SEC22A: variants seen among roughly 807,000 people sequenced by gnomAD.
SEC22A encodes the protein SEC22 homolog A, vesicle trafficking protein, also known as vesicle-trafficking protein SEC22a.
In SEC22A, 22 loss-of-function variants were observed where a neutral mutation model predicts 35.3. That is an observed-to-expected ratio of 0.62 (90% CI 0.45 to 0.89). The LOEUF is 0.89. Among genes scored for constraint, SEC22A ranks in the 40% least tolerant of loss-of-function variants. The pLI, the probability that SEC22A is intolerant of heterozygous loss-of-function variation, is 0.00. For synonymous variants in SEC22A, 119 were observed against 129.5 expected (o/e 0.92, Z 0.55); for missense variants, 354 against 362.5 (o/e 0.98, Z 0.19).
intron 6 of SEC22A, among the ~76,000 whole-genome samples, chr3:123,265,848 A>C (rs182920314): frequency 1.1e-3 from 168 of 152,244 alleles, no homozygotes; most frequent in Admixed American, 1.7e-3. Flanking sequence ...AATCAGCTGG[A>C]CATACTTGTG....
intron 6 of SEC22A, among the ~76,000 whole-genome samples, chr3:123,262,101 GT>G (rs1191251664): frequency 2.6e-5 from 4 of 152,234 alleles, no homozygotes; most frequent in Admixed American, 2.0e-4. Flanking sequence ...AAGTAATTAT[GT>G]TTTACCATAT....
intron 4 of SEC22A, among the ~76,000 whole-genome samples, chr3:123,241,422 CTG>C (rs1937520782): frequency 6.6e-6 from 1 of 152,152 alleles, no homozygotes; most frequent in South Asian, 2.1e-4. Flanking sequence ...CTTCCACAGT[CTG>C]TTTCCCTAGG....
intron 2 of SEC22A, among the ~76,000 whole-genome samples, chr3:123,221,079 T>C (rs948757776): frequency 4.0e-5 from 6 of 151,758 alleles, no homozygotes; most frequent in African/African-American, 1.5e-4. Flanking sequence ...TTGAATCCTG[T>C]GAACATATTT....
At chr3:123,216,267 A>C (rs1937021191) in intron 2 of SEC22A, among the ~76,000 whole-genome samples, 1 of 152,226 alleles carries the variant, frequency 6.6e-6, no homozygotes, top group East Asian at 1.9e-4. Flanking sequence ...TATCTAAAAA[A>C]GTCAGGATCT....
intron 2 of SEC22A, among the ~76,000 whole-genome samples, chr3:123,210,230 G>A (rs9855287): frequency 0.2 from 29,843 of 152,188 alleles, 3,031 homozygotes; most frequent in Middle Eastern, 0.28. Flanking sequence ...AGAGAGGTCA[G>A]ATGGAAGACT....
rs1937571722 is a variant in SEC22A, at chr3:123,246,885, A to C, written c.657+871A>C. 2.6e-5 allele frequency among the ~76,000 whole-genome samples: 4 copies of C among 152,214 alleles called. No individual in the cohort carries two copies. The South Asian group carries it at 8.3e-4, about 32-fold the overall frequency. ...ATTGCTGTTAGTTTGGGGAACCCTC[A>C]GAGGGTATCTTTCTGCATCTGTTTA... On this transcript the variant is annotated intron_variant, in intron 5 of 6. Transcript: ENST00000492595.
intron 6 of SEC22A, among the ~76,000 whole-genome samples, chr3:123,270,794 A>G (rs1938142385): frequency 6.6e-6 from 1 of 152,218 alleles, no homozygotes. Flanking sequence ...TTTCATCTAA[A>G]ATAGCACCCA....
intron 1 of SEC22A, 78 bp from the exon 2 acceptor site, chr3:123,209,121 T>C (rs1383437192): frequency 8.9e-7 from 1 of 1,123,280 alleles, no homozygotes. Context: ...ATATTACTAG[T>C]AAGTTGAACA....
rs1319186918 is a variant in SEC22A, at chr3:123,273,965, T to C, written c.*2243T>C. 1.3e-5 allele frequency: 2 copies of C among 152,252 alleles called. No homozygotes were observed. Among genetic ancestry groups the C allele is most frequent in the African/African-American group, 4.8e-5 (2 of 41,462 alleles). The allele number at this position is 152,252 out of a possible 1,614,324, so 9.4% of individuals were successfully genotyped here. A position where few individuals can be genotyped will look rare whatever the true frequency, so the allele number is the denominator to read the frequency against. On this transcript the variant is annotated 3_prime_UTR_variant, in exon 7 of 7. Coordinates refer to ENST00000492595, the MANE Select transcript of SEC22A (RefSeq NM_012430.5). ...TTGTCATTGAATTGACGAGTTACAA[T>C]GTTTGGTATTCGGATACATTCAGCA...
chr3:123,245,611 G>A (rs1937560063), intron 4 of SEC22A, among the ~76,000 whole-genome samples: 1 of 151,950 alleles, frequency 6.6e-6, no homozygotes, highest in Admixed American at 6.6e-5. Context: ...AGGCACGAGG[G>A]TCGCTTGAGC....
At chr3:123,235,344 CATA>C (rs918824365) in intron 4 of SEC22A, among the ~76,000 whole-genome samples, 5 of 152,102 alleles carry the variant, frequency 3.3e-5, no homozygotes, top group African/African-American at 2.4e-5. Context: ...GATAAAAAGA[CATA>C]ATCCAGTTTA....
At chr3:123,230,565 G>A (rs1195063781) in intron 4 of SEC22A, among the ~76,000 whole-genome samples, 1 of 151,998 alleles carries the variant, frequency 6.6e-6, no homozygotes, top group Non-Finnish European at 1.5e-5. Context: ...TAATGTTTCT[G>A]TGGCTCATTA....
chr3:123,251,944 A>G (rs1015058263), intron 5 of SEC22A, among the ~76,000 whole-genome samples: 3 of 152,222 alleles, frequency 2.0e-5, no homozygotes, highest in African/African-American at 4.8e-5. Flanking sequence ...GGAATGGATG[A>G]TAAGTGAACA....
intron 5 of SEC22A, among the ~76,000 whole-genome samples, chr3:123,258,455 CTTAT>C (rs1937795870): frequency 6.6e-6 from 1 of 151,988 alleles, no homozygotes; most frequent in East Asian, 1.9e-4. Context: ...TCAAGCAGAA[CTTAT>C]TTAAGGTTTT....
At chr3:123,238,839 T>C (rs1193932550) in intron 4 of SEC22A, among the ~76,000 whole-genome samples, 1 of 152,200 alleles carries the variant, frequency 6.6e-6, no homozygotes, top group African/African-American at 2.4e-5. Context: ...GGTTAAAATA[T>C]TAAATGAAGG....
intron 2 of SEC22A, among the ~76,000 whole-genome samples, chr3:123,213,059 G>C (rs775215540): frequency 7.2e-5 from 11 of 152,166 alleles, no homozygotes; most frequent in Non-Finnish European, 1.5e-4. Context: ...ATCTGGTCTA[G>C]TTCAAGAATA....
chr3:123,242,229 CG>C (rs931379194), intron 4 of SEC22A, among the ~76,000 whole-genome samples: 5 of 144,958 alleles, frequency 3.4e-5, no homozygotes, highest in Non-Finnish European at 7.7e-5. Flanking sequence ...TTGCAGACCT[CG>C]TCTGCTTCTC....
intron 5 of SEC22A, among the ~76,000 whole-genome samples, chr3:123,254,737 CT>C (rs148649036): frequency 0.2 from 29,807 of 151,584 alleles, 3,031 homozygotes; most frequent in Middle Eastern, 0.27. Context: ...CTTTTCTTTT[CT>C]TTTTTTTTAT....
rs1251687019 is a variant in SEC22A, at chr3:123,245,963, T to C, written c.606T>C (p.Cys202=). The C allele has an allele frequency of 6.2e-7, 1 of 1,613,422 alleles. No individual in the cohort carries two copies. The stretch of plus-strand genomic sequence containing the variant: ...TAGGATTTATCCTTAGTCTTTTATG[T>C]GGAGCTCTGAATTTAATTCGAGGCT... ...GIVGFILSLL[C]GALNLIRGFH... is the part of the protein sequence containing the mutation. The change falls in exon 5 of 7, where the codon TGT becomes TGC. Residue 202 remains cysteine, a synonymous_variant. Transcript: ENST00000492595.
Sources: gnomAD v4.1 joint callset for allele counts (sites outside exome capture counted in the v4.1 genomes callset) on GRCh38, gnomAD v4.1.1 for gene constraint, MANE v1.5 for transcripts, NCBI Gene and HGNC (gene_info 2026-07-23, HGNC 2026-07-21) for gene names.